The following STPG2 variants were observed in gnomAD, a reference collection of about 807,000 sequenced individuals.
STPG2 encodes sperm tail PG-rich repeat containing 2.
STPG2 carries 56 observed loss-of-function variants against 54.2 expected under a neutral mutation model. The ratio of observed to expected loss-of-function variants is 1.03; its 90% CI spans 0.83 to 1.29. The LOEUF (loss-of-function observed/expected upper bound fraction) is 1.29, where lower values mean the gene tolerates loss of function less well. Among genes scored for constraint, STPG2 ranks in the 50% most tolerant of loss-of-function variants. The pLI is 0.00. For missense variants in STPG2, 596 were observed against 544.9 expected (o/e 1.09, Z -0.93); for synonymous variants, 200 against 181.8 (o/e 1.10, Z -0.81).
Position 98,128,446 on chromosome 4 carries a change from T to A in STPG2, c.369A>T (p.Ala123=). 6.2e-7 allele frequency: 1 copy of A among 1,609,706 alleles called. No homozygotes were observed. The highest frequency in any genetic ancestry group is 8.5e-7 in the Non-Finnish European group (1 of 1,178,762). The change falls in exon 3 of 11, where the codon GCA becomes GCT. Residue 123 remains alanine (A), a synonymous_variant. Transcript: ENST00000295268. ...PPACDSTLGP[A]YYKPQFDVSN... is the part of the protein sequence containing the mutation. ...TACTTACAAATTGAGGTTTGTAGTA[T>A]GCTGGACCAAGTGTACTGTCACAAG...
intron 7 of STPG2, among the ~76,000 whole-genome samples, chr4:97,949,851 C>T (rs182667025): frequency 6.1e-4 from 92 of 151,296 alleles, no homozygotes; most frequent in Middle Eastern, 3.4e-3. Context: ...AGCTAGATGA[C>T]TATATGCCTT....
intron 5 of STPG2, among the ~76,000 whole-genome samples, chr4:98,012,485 A>G (rs1045720595): frequency 2.6e-5 from 4 of 152,212 alleles, no homozygotes; most frequent in African/African-American, 9.7e-5. Context: ...AAATCTGTGA[A>G]GAATGTCAAT....
intron 10 of STPG2, among the ~76,000 whole-genome samples, chr4:97,654,102 T>G (rs1722152538): frequency 6.6e-6 from 1 of 152,144 alleles, no homozygotes; most frequent in South Asian, 2.1e-4. Flanking sequence ...CTTTGGAGAA[T>G]ATCTTTAAGG....
intron 4 of STPG2, among the ~76,000 whole-genome samples, chr4:98,106,934 T>C (rs887752834): frequency 6.6e-6 from 1 of 152,234 alleles, no homozygotes; most frequent in Admixed American, 6.5e-5. Flanking sequence ...CAACAAACTA[T>C]ACCAAACATA....
chr4:98,101,120 T>C (rs1578854130), intron 5 of STPG2, among the ~76,000 whole-genome samples: 1 of 152,188 alleles, frequency 6.6e-6, no homozygotes, highest in East Asian at 1.9e-4. Context: ...CCAGATTTTT[T>C]CTTTGTTCAT....
intron 4 of STPG2, among the ~76,000 whole-genome samples, chr4:97,527,764 T>C (rs62315845): frequency 0.037 from 5,698 of 152,324 alleles, 175 homozygotes; most frequent in Non-Finnish European, 0.062. Context: ...GATGAGCTTT[T>C]CTTCATATGT....
At chr4:98,043,328 T>A (rs1319837094) in intron 5 of STPG2, among the ~76,000 whole-genome samples, 1 of 152,096 alleles carries the variant, frequency 6.6e-6, no homozygotes, top group East Asian at 1.9e-4. Context: ...CATATACATC[T>A]TTAATAATTA....
At chr4:98,126,788 T>C (rs528305987) in intron 3 of STPG2, among the ~76,000 whole-genome samples, 175 of 152,168 alleles carry the variant, frequency 1.2e-3, no homozygotes, top group Non-Finnish European at 2.0e-3. Context: ...TCCCAGATGA[T>C]TTAATAAAAA....
intron 10 of STPG2, among the ~76,000 whole-genome samples, chr4:97,662,743 C>T (rs1722410394): frequency 6.6e-6 from 1 of 152,080 alleles, no homozygotes; most frequent in Non-Finnish European, 1.5e-5. Context: ...ACATTGACTA[C>T]ATACAGACAT....
intron 10 of STPG2, among the ~76,000 whole-genome samples, chr4:97,689,019 G>T (rs139921552): frequency 6.6e-6 from 1 of 152,112 alleles, no homozygotes; most frequent in East Asian, 1.9e-4. Flanking sequence ...AACCCTATTT[G>T]TTACTTCAGT....
At chr4:97,977,298 A>G (rs931335210) in intron 6 of STPG2, among the ~76,000 whole-genome samples, 36 of 152,184 alleles carry the variant, frequency 2.4e-4, no homozygotes, top group Non-Finnish European at 3.8e-4. Context: ...TAACTAATCA[A>G]ATTGCTATAA....
chr4:97,859,611 C>T (rs779325931), intron 8 of STPG2, among the ~76,000 whole-genome samples: 2 of 151,844 alleles, frequency 1.3e-5, no homozygotes, highest in East Asian at 1.9e-4. Context: ...ACTACAGGCA[C>T]GTGCCACCAT....
intron 4 of STPG2, among the ~76,000 whole-genome samples, chr4:97,507,827 T>A (rs141362721): frequency 2.4e-3 from 361 of 152,208 alleles, no homozygotes; most frequent in African/African-American, 8.5e-3. Context: ...CAGGGCATGT[T>A]ACCATTGCCA....
intron 8 of STPG2, among the ~76,000 whole-genome samples, chr4:97,883,483 A>G (rs1431753249): frequency 1.3e-5 from 2 of 152,174 alleles, no homozygotes; most frequent in Non-Finnish European, 2.9e-5. Context: ...ATTTAAAATA[A>G]CTATAACCAA....
chr4:97,774,517 T>C lies in STPG2; in HGVS notation c.1205-61703A>G, dbSNP rs181068901. On this transcript the variant is annotated intron_variant, in intron 9 of 10. Transcript: ENST00000295268. ...ACTCACACCAAGCATATCATGGTTA[T>C]ATTCTTGCTAAAATGGTTAGGTGAG... is the stretch of plus-strand genomic sequence containing the variant. Among the ~76,000 whole-genome samples the C allele has an allele frequency of 3.0e-3, 456 of 152,174 alleles. 1 individual carries two copies. Among genetic ancestry groups the C allele is most frequent in the African/African-American group, 0.011 (437 of 41,554 alleles).
chr4:97,877,558 T>C (rs879601792), intron 8 of STPG2, among the ~76,000 whole-genome samples: 1 of 152,092 alleles, frequency 6.6e-6, no homozygotes, highest in Non-Finnish European at 1.5e-5. Context: ...GAGGATGAAG[T>C]GAAAGGGGCT....
At chr4:97,505,492 C>T (rs757324025) in intron 4 of STPG2, among the ~76,000 whole-genome samples, 35 of 151,798 alleles carry the variant, frequency 2.3e-4, no homozygotes, top group Non-Finnish European at 1.8e-4. Context: ...CAGATACAAA[C>T]AGGAGTATAG....
At chr4:98,116,615 A>G (rs558529849) in intron 3 of STPG2, among the ~76,000 whole-genome samples, 1 of 152,024 alleles carries the variant, frequency 6.6e-6, no homozygotes, top group South Asian at 2.1e-4. Flanking sequence ...TTCACATAAG[A>G]ATATCTTACT....
intron 4 of STPG2, among the ~76,000 whole-genome samples, chr4:97,519,153 A>G (rs1181127567): frequency 6.6e-6 from 1 of 152,160 alleles, no homozygotes; most frequent in Non-Finnish European, 1.5e-5. Flanking sequence ...GCCAATACAG[A>G]TGGGAGAAGT....
Sources: allele counts gnomAD v4.1 joint callset (sites outside exome capture counted in the v4.1 genomes callset), GRCh38; gene constraint gnomAD v4.1.1; transcripts MANE v1.5; gene names NCBI Gene and HGNC (gene_info 2026-07-23, HGNC 2026-07-21).